Variants in MYRF observed in about 807,000 individuals in gnomAD.
MYRF encodes myelin regulatory factor, also known as myelin gene regulatory factor.
A neutral mutation model predicts 126.3 loss-of-function variants in MYRF; 16 were observed. The ratio of observed to expected loss-of-function variants is 0.13; its 90% CI spans 0.09 to 0.19. MYRF has a LOEUF of 0.19. Ranked by LOEUF, MYRF falls within the 10% of genes least tolerant of loss-of-function variation. The pLI is 1.00. For missense variants in MYRF, 1,104 were observed against 1,547.0 expected (o/e 0.71, Z 4.80); for synonymous variants, 608 against 635.3 (o/e 0.96, Z 0.65).
chr11:61,760,494 T>C (rs1450773183), intron 1 of MYRF, among the ~76,000 whole-genome samples: 1 of 152,024 alleles, frequency 6.6e-6, no homozygotes, highest in Non-Finnish European at 1.5e-5. Context: ...GCTGTGCATG[T>C]GTAAGAATAG....
chr11:61,762,783 C>T (rs2135724904), intron 1 of MYRF, among the ~76,000 whole-genome samples: 1 of 152,286 alleles, frequency 6.6e-6, no homozygotes, highest in South Asian at 2.1e-4. Flanking sequence ...AGGAGGCCCT[C>T]CGAGCCCCCA....
chr11:61,762,258 C>T (rs1036960036), intron 1 of MYRF, among the ~76,000 whole-genome samples: 1 of 152,048 alleles, frequency 6.6e-6, no homozygotes, highest in Non-Finnish European at 1.5e-5. Context: ...GGCAGGGGAC[C>T]ATGTCAGGCC....
At position 61,757,362 on chromosome 11, in the gene MYRF, A is replaced by T. The variant is rs572100327; in HGVS notation, c.46+4572A>T. ...GGCACCGCTGTGCCTCCGCTTTCTC[A>T]TCTGTAAAACGGGAGTGCAGTTGTA... On this transcript the variant is annotated intron_variant, in intron 1 of 26. Transcript: ENST00000278836. The surrounding 1 kb of genome is among the most constrained non-coding windows in gnomAD (Gnocchi z 4.7). The T allele has an allele frequency of 2.2e-6, 1 of 454,356 alleles. No individual in the cohort carries two copies. Among genetic ancestry groups the T allele is most frequent in the African/African-American group, 2.0e-5 (1 of 50,062 alleles). 28.1% of individuals were successfully genotyped at this position (454,356 alleles called of 1,614,324 possible). A position where few individuals can be genotyped will look rare whatever the true frequency, so the allele number is the denominator to read the frequency against.
In MYRF at chr11:61,785,960, A is replaced by G. The variant is rs1022716341; in HGVS notation, c.3375+86A>G. 3.8e-6 allele frequency: 6 copies of G among 1,560,128 alleles called. No individual in the cohort carries two copies. The Admixed American group carries it at 5.0e-5, about 13-fold the overall frequency. ...TTGAGGAATGGGGGGTTTGCACAGT[A>G]TGTGGTAGGGCTGGGGGCACAGTGT... On this transcript the variant is annotated intron_variant, in intron 26 of 26. Transcript: ENST00000278836.
rs1042026642 is a variant in MYRF at position 61,777,970 on chromosome 11, A to C, written c.1903+125A>C. 2.1e-5 allele frequency: 16 copies of C among 769,722 alleles called. No homozygotes were observed. The South Asian group carries it at 2.5e-4, about 12-fold the overall frequency. 47.7% of individuals were successfully genotyped at this position (769,722 alleles called of 1,614,324 possible). On this transcript the variant is annotated intron_variant, in intron 13 of 26. Transcript: ENST00000278836. This position sits in a 1 kb window ranked among gnomAD's most constrained non-coding sequence, Gnocchi z 8.8. The stretch of plus-strand genomic sequence containing the variant: ...TCCCGGAACTGCGCCCCTGGGAATC[A>C]TGCCTTCTAGAAGTCCCGCCCCTCG...
chr11:61,778,251 TCC>T lies in MYRF; in HGVS notation c.1904-128_1904-127del. On this transcript the variant is annotated intron_variant, in intron 13 of 26. Coordinates refer to ENST00000278836, the MANE Select transcript of MYRF (RefSeq NM_001127392.3). The surrounding 1 kb of genome is among the most constrained non-coding windows in gnomAD (Gnocchi z 4.6). ...TCGTGGGATCTCCCTGCTCCAGGGCTCCTTGGAATCCAAATCTCTGGGTTCCA... is the reference window on the plus strand; with the variant it reads ...TCGTGGGATCTCCCTGCTCCAGGGCTTTGGAATCCAAATCTCTGGGTTCCA... 1 of 700,204 alleles carries T rather than the reference TCC, an allele frequency of 1.4e-6. No individual in the cohort carries two copies. The highest frequency in any genetic ancestry group is 2.6e-6 in the Non-Finnish European group (1 of 386,098). 43.4% of individuals were successfully genotyped at this position (700,204 alleles called of 1,614,324 possible).
In MYRF at chr11:61,770,345, G is replaced by GGGGCC; in HGVS notation, c.560_561insGGGCC (p.Pro188GlyfsTer22). 2.0e-6 allele frequency: 3 copies of GGGGCC among 1,504,808 alleles called. No homozygotes were observed. Among genetic ancestry groups the GGGGCC allele is most frequent in the Non-Finnish European group, 2.7e-6 (3 of 1,109,470 alleles). 93.2% of individuals were successfully genotyped at this position (1,504,808 alleles called of 1,614,324 possible). ...CCCCCACCTCCAGCCCACTTGCCAG[G>GGGGCC]CCCCCCGCCACCCCCACCACCCCCA... is the stretch of plus-strand genomic sequence containing the variant. On this transcript the variant is annotated frameshift_variant, in exon 5 of 27. Transcript: ENST00000278836. LOFTEE classifies it high-confidence loss of function.
rs2066507758 is a variant in MYRF at position 61,780,299 on chromosome 11, C to T, written c.2405+9C>T. ...CTGGTAGACACTGATGGGTAGGTTC[C>T]TGGAGGCCAAGCCAAGCTGCCAGGC... On this transcript the variant is annotated intron_variant, in intron 18 of 26. Coordinates refer to ENST00000278836, the MANE Select transcript of MYRF (RefSeq NM_001127392.3). 6.2e-7 allele frequency: 1 copy of T among 1,609,390 alleles called. No homozygotes were observed. The highest frequency in any genetic ancestry group is 8.5e-7 in the Non-Finnish European group (1 of 1,177,466).
chr11:61,779,445 A>T, intron 15 of MYRF, 22 bp downstream of exon 15: 1 of 1,549,492 alleles, frequency 6.5e-7, no homozygotes, highest in South Asian at 1.2e-5. Flanking sequence ...GGGTGGGGGA[A>T]GGTGAGACCC....
chr11:61,762,775 G>A (rs2065934847), intron 1 of MYRF, among the ~76,000 whole-genome samples: 1 of 152,152 alleles, frequency 6.6e-6, no homozygotes, highest in Admixed American at 6.5e-5. Context: ...CGTTCCTCAG[G>A]AGGCCCTCCG....
intron 25 of MYRF, chr11:61,784,802 CA>C (rs1565308982): frequency 6.2e-6 from 1 of 161,988 alleles, no homozygotes; most frequent in Non-Finnish European, 1.3e-5. Flanking sequence ...GAGGGCCCCT[CA>C]GGTTCCATGT....
chr11:61,787,598 G>C lies in MYRF; in HGVS notation c.*1455G>C, dbSNP rs2066722961. 1.3e-5 allele frequency: 2 copies of C among 152,744 alleles called. No homozygotes were observed. The highest frequency in any genetic ancestry group is 4.1e-4 in the South Asian group (2 of 4,834). The allele number at this position is 152,744 out of a possible 1,614,324, so 9.5% of individuals were successfully genotyped here. A position where few individuals can be genotyped will look rare whatever the true frequency, so the allele number is the denominator to read the frequency against. On this transcript the variant is annotated 3_prime_UTR_variant, in exon 27 of 27. Coordinates refer to ENST00000278836, the MANE Select transcript of MYRF (RefSeq NM_001127392.3). Reference sequence around the variant, plus strand: ...GAACTGCAGGCCCCCTTTTGCCATTGATCTCAAAGCACTTGTCCTCAGGAT... The same window carrying C: ...GAACTGCAGGCCCCCTTTTGCCATTCATCTCAAAGCACTTGTCCTCAGGAT...
intron 16 of MYRF, 107 bp downstream of exon 16, chr11:61,779,677 CCTT>C (rs1418986248): frequency 8.0e-7 from 1 of 1,246,826 alleles, no homozygotes; most frequent in Non-Finnish European, 1.1e-6. Context: ...GCTTCCCTCT[CCTT>C]GTGACTCTGT....
rs546269993 is a variant in MYRF, at chr11:61,779,519, T to C, written c.2196T>C (p.Ser732=). The change falls in exon 16 of 27, where the codon AGT becomes AGC. Residue 732 remains serine (S), a synonymous_variant. Coordinates refer to ENST00000278836, the MANE Select transcript of MYRF (RefSeq NM_001127392.3). ...GCAGCCATGCAGGGAGCCAGTTCAG[T>C]CGGGCGGGCAGCGTCCCCCACAAGA... ...GAFSHAGSQF[S]RAGSVPHKKR... 6.6e-7 allele frequency: 1 copy of C among 1,516,416 alleles called. No individual in the cohort carries two copies. The highest frequency in any genetic ancestry group is 2.3e-5 in the East Asian group (1 of 42,806). 93.9% of individuals were successfully genotyped at this position (1,516,416 alleles called of 1,614,324 possible). A position where few individuals can be genotyped will look rare whatever the true frequency, so the allele number is the denominator to read the frequency against.
intron 25 of MYRF, chr11:61,784,660 G>A: frequency 2.5e-6 from 1 of 394,050 alleles, no homozygotes; most frequent in Non-Finnish European, 4.7e-6. Context: ...TGAGTGCAAT[G>A]ATGGAAACAG....
chr11:61,777,644 G>A lies in MYRF; in HGVS notation c.1792-90G>A, dbSNP rs1215226211. ...AGTGGTGGGGTCTCCTCTCCACACTGCAGCCTCCAGGCTGCCGCCCTCCTG... is the reference window on the plus strand; with the variant it reads ...AGTGGTGGGGTCTCCTCTCCACACTACAGCCTCCAGGCTGCCGCCCTCCTG... On this transcript the variant is annotated intron_variant, in intron 12 of 26. Transcript: ENST00000278836. The surrounding 1 kb of genome is among the most constrained non-coding windows in gnomAD (Gnocchi z 8.8). 7.3e-7 allele frequency: 1 copy of A among 1,371,860 alleles called. No homozygotes were observed. Among genetic ancestry groups the A allele is most frequent in the Non-Finnish European group, 1.0e-6 (1 of 995,982 alleles). 85.0% of individuals were successfully genotyped at this position (1,371,860 alleles called of 1,614,324 possible).
intron 1 of MYRF, among the ~76,000 whole-genome samples, chr11:61,760,200 C>T (rs1245604454): frequency 6.6e-6 from 1 of 152,182 alleles, no homozygotes; most frequent in Non-Finnish European, 1.5e-5. Flanking sequence ...AACTCCTGAC[C>T]TTGTGATCTG....
At chr11:61,779,623 C>G in intron 16 of MYRF, 53 bp downstream of exon 16, 4 of 1,432,376 alleles carry the variant, frequency 2.8e-6, no homozygotes, top group Non-Finnish European at 3.7e-6. Context: ...TCCCTTGTGG[C>G]CTCCCTTTCT....
intron 22 of MYRF, chr11:61,782,941 TG>T (rs1220340891): frequency 6.6e-6 from 1 of 152,642 alleles, no homozygotes; most frequent in Admixed American, 6.5e-5. Flanking sequence ...GCAGCAAGAC[TG>T]TATGTGAACT....
Sources: allele counts gnomAD v4.1 joint callset (sites outside exome capture counted in the v4.1 genomes callset), GRCh38; gene constraint gnomAD v4.1.1; non-coding constraint Gnocchi (gnomAD v3.1); transcripts MANE v1.5; gene names NCBI Gene and HGNC (gene_info 2026-07-23, HGNC 2026-07-21).